The following ZNF543 variants were observed in gnomAD, a reference collection of about 807,000 sequenced individuals.
The protein encoded by ZNF543 is zinc finger protein 543.
In ZNF543, 10 loss-of-function variants were observed where a neutral mutation model predicts 13.4. The ratio of observed to expected loss-of-function variants is 0.75; its 90% CI spans 0.46 to 1.26. The LOEUF is 1.26. Ranked by LOEUF, ZNF543 falls within the 50% of genes most tolerant of loss-of-function variation. The pLI is 0.00. For missense variants in ZNF543, 768 were observed against 741.2 expected, an observed-to-expected ratio of 1.04 and a Z score of -0.42; for synonymous variants, 272 against 264.7, an observed-to-expected ratio of 1.03 and a Z score of -0.27.
chr19:57,330,084 G>A lies in ZNF543; in HGVS notation c.*819G>A, dbSNP rs915415943. The A allele has an allele frequency of 2.0e-5, 3 of 152,116 alleles. No individual in the cohort carries two copies. The highest frequency in any genetic ancestry group is 2.9e-5 in the Non-Finnish European group (2 of 68,044). The allele number at this position is 152,116 out of a possible 1,614,324, so 9.4% of individuals were successfully genotyped here. The stretch of plus-strand genomic sequence containing the variant: ...TAGTCCTGCAACGTTCTCCACTCTC[G>A]AGGTGCAGAAGCATACATCTTTATA... On this transcript the variant is annotated 3_prime_UTR_variant, in exon 4 of 4. Coordinates refer to ENST00000321545, the MANE Select transcript of ZNF543 (RefSeq NM_213598.4).
intron 1 of ZNF543, among the ~76,000 whole-genome samples, chr19:57,321,194 C>G (rs1327710423): frequency 1.3e-5 from 2 of 152,156 alleles, no homozygotes; most frequent in African/African-American, 4.8e-5. Flanking sequence ...TCCATTTTTC[C>G]CTTGTCCTTT....
In ZNF543 at chr19:57,329,421, C is replaced by A. The variant is rs1177418299; in HGVS notation, c.*156C>A. The stretch of plus-strand genomic sequence containing the variant: ...GTCTTATTCTCCACCTGAGAATTCA[C>A]CCATGAGAGAGACCCAGTGGTTGCT... On this transcript the variant is annotated 3_prime_UTR_variant, in exon 4 of 4. Transcript: ENST00000321545. 1 of 1,003,828 alleles carries A rather than the reference C, an allele frequency of 1.0e-6. No homozygotes were observed. The highest frequency in any genetic ancestry group is 1.4e-6 in the Non-Finnish European group (1 of 701,396). 62.2% of individuals were successfully genotyped at this position (1,003,828 alleles called of 1,614,324 possible).
chr19:57,324,498 T>C (rs1196389136), intron 2 of ZNF543, among the ~76,000 whole-genome samples: 1 of 152,232 alleles, frequency 6.6e-6, no homozygotes, highest in Non-Finnish European at 1.5e-5. Flanking sequence ...TTGTCACTGC[T>C]GTCTAAATCA....
rs140208196 is a variant in ZNF543 at position 57,323,759 on chromosome 19, C to G, written c.96C>G (p.Thr32=). ...EWGQLDAAQR[T]LYQEVMLETC... ...GACAGTTGGATGCAGCCCAGAGAAC[C>G]TTGTATCAGGAGGTGATGCTGGAGA... Residue 32 remains threonine (T), a synonymous_variant, in exon 2 of 4, where the codon ACC becomes ACG. Coordinates refer to ENST00000321545, the MANE Select transcript of ZNF543 (RefSeq NM_213598.4). 1 of 1,613,636 alleles carries G rather than the reference C, an allele frequency of 6.2e-7. No homozygotes were observed. The highest frequency in any genetic ancestry group is 2.2e-5 in the East Asian group (1 of 44,838).
intron 1 of ZNF543, among the ~76,000 whole-genome samples, chr19:57,321,894 T>TAA (rs916990314): frequency 6.7e-6 from 1 of 150,090 alleles, no homozygotes; most frequent in Non-Finnish European, 1.5e-5. Context: ...CTGTGTGGAC[T>TAA]AAAAAAAAAT....
Position 57,320,715 on chromosome 19 carries a change from T to G in ZNF543, c.-139T>G. ...CCTCAGCCCCGACGCTGCGCCCGCTTTGTGCGCATTTTTCTCTGGGGAAAC... is the reference window on the plus strand; with the variant it reads ...CCTCAGCCCCGACGCTGCGCCCGCTGTGTGCGCATTTTTCTCTGGGGAAAC... On this transcript the variant is annotated 5_prime_UTR_variant, in exon 1 of 4. Coordinates refer to ENST00000321545, the MANE Select transcript of ZNF543 (RefSeq NM_213598.4). 45 of 1,078,846 alleles carry G rather than the reference T, an allele frequency of 4.2e-5. No homozygotes were observed. The highest frequency in any genetic ancestry group is 4.8e-5 in the South Asian group (3 of 62,296). 66.8% of individuals were successfully genotyped at this position (1,078,846 alleles called of 1,614,324 possible). A position where few individuals can be genotyped will look rare whatever the true frequency, so the allele number is the denominator to read the frequency against.
In ZNF543 at chr19:57,328,391, C is replaced by T. The variant is rs148674787; in HGVS notation, c.929C>T (p.Pro310Leu). ...CACAGGAGCCACACTGGAGAAAAAC[C>T]CTTTGTGTGCAAAGAGTGTGGCAAA... ...LHHRSHTGEKPFVCKECGKAF... is the reference protein window; with the variant it reads ...LHHRSHTGEKLFVCKECGKAF... The change falls in exon 4 of 4, where the codon CCC (proline) becomes CTC (leucine). Residue 310 changes from proline to leucine, a missense_variant. Transcript: ENST00000321545. 1.8e-4 allele frequency: 295 copies of T among 1,613,540 alleles called. No individual in the cohort carries two copies. Among genetic ancestry groups the T allele is most frequent in the Non-Finnish European group, 2.4e-4 (284 of 1,179,922 alleles).
rs35238720 is a variant in ZNF543 at position 57,328,322 on chromosome 19, A to T, written c.860A>T (p.Glu287Val). The T allele has an allele frequency of 0.11, 177,116 of 1,613,834 alleles. 10,413 individuals carry two copies. Among genetic ancestry groups the T allele is most frequent in the South Asian group, 0.15 (13,455 of 91,066 alleles). ...GGAGAGAAGCCTTATAAGTGCAGTG[A>T]ATGTGGAAAGGCCTTCACCCACCGC... ...HSGEKPYKCS[E>V]CGKAFTHRST... Residue 287 changes from glutamate (E) to valine (V), a missense_variant, in exon 4 of 4, where the codon GAA (glutamate) becomes GTA (valine). Coordinates refer to ENST00000321545, the MANE Select transcript of ZNF543 (RefSeq NM_213598.4).
rs1377957153 is a variant in ZNF543 at position 57,329,855 on chromosome 19, A to C, written c.*590A>C. 6.6e-6 allele frequency: 1 copy of C among 152,322 alleles called. No homozygotes were observed. Among genetic ancestry groups the C allele is most frequent in the Non-Finnish European group, 1.5e-5 (1 of 68,102 alleles). 9.4% of individuals were successfully genotyped at this position (152,322 alleles called of 1,614,324 possible). A position where few individuals can be genotyped will look rare whatever the true frequency, so the allele number is the denominator to read the frequency against. ...CAAAGGAAGAGGAAATATAGGGAAG[A>C]GAAAGAAACCACAGCTTCTTTTAGA... On this transcript the variant is annotated 3_prime_UTR_variant, in exon 4 of 4. Coordinates refer to ENST00000321545, the MANE Select transcript of ZNF543 (RefSeq NM_213598.4).
Position 57,326,633 on chromosome 19 carries a change from G to A in ZNF543, c.146G>A (p.Gly49Asp). The A allele has an allele frequency of 1.2e-6, 2 of 1,613,394 alleles. No homozygotes were observed. Among genetic ancestry groups the A allele is most frequent in the African/African-American group, 2.7e-5 (2 of 75,016 alleles). The change falls in exon 3 of 4, where the codon GGC (glycine) becomes GAC (aspartate). Residue 49 changes from glycine to aspartate, a missense_variant and splice_region_variant. This residue lies in a region of ZNF543 where 77 missense variants were observed against 75.5 expected (regional missense o/e 1.02). Coordinates refer to ENST00000321545, the MANE Select transcript of ZNF543 (RefSeq NM_213598.4). ...LETCGLLMSL[G>D]CPLFKPELIY... ...GTCCTCTTTTGTTCTCCATGCACAG[G>A]CTGTCCTTTGTTCAAACCAGAGCTG...
chr19:57,320,634 C>T lies in ZNF543; in HGVS notation c.-220C>T, dbSNP rs1035879932. 2 of 558,412 alleles carry T rather than the reference C, an allele frequency of 3.6e-6. No individual in the cohort carries two copies. Among genetic ancestry groups the T allele is most frequent in the African/African-American group, 1.9e-5 (1 of 51,468 alleles). The allele number at this position is 558,412 out of a possible 1,614,324, so 34.6% of individuals were successfully genotyped here. A position where few individuals can be genotyped will look rare whatever the true frequency, so the allele number is the denominator to read the frequency against. Reference sequence around the variant, plus strand: ...GCCTGACGCCCCGCTTCTTCCCTAACGGGGTGTTCCACCGGCGCCTGCCGA... The same window carrying T: ...GCCTGACGCCCCGCTTCTTCCCTAATGGGGTGTTCCACCGGCGCCTGCCGA... On this transcript the variant is annotated 5_prime_UTR_variant, in exon 1 of 4. It adds an upstream start codon to the 5' untranslated region. Transcript: ENST00000321545.
Position 57,328,782 on chromosome 19 carries a change from G to GC in ZNF543, c.1321dup (p.His441ProfsTer2). ...TCACCCACTGCTCCACTTTTGTCTT[G>GC]CATAAAAGGACCCACACAGGAGAAA... On this transcript the variant is annotated frameshift_variant, in exon 4 of 4. Transcript: ENST00000321545. LOFTEE classifies it low-confidence loss of function (END_TRUNC). The GC allele has an allele frequency of 6.2e-7, 1 of 1,613,990 alleles. No individual in the cohort carries two copies. Among genetic ancestry groups the GC allele is most frequent in the Admixed American group, 1.7e-5 (1 of 59,988 alleles).
chr19:57,326,863 GCCC>G, intron 3 of ZNF543, 135 bp downstream of exon 3: 1 of 576,802 alleles, frequency 1.7e-6, no homozygotes, highest in Non-Finnish European at 2.9e-6. Flanking sequence ...GCCTCTCCCC[GCCC>G]GCCCCCCCCC....
intron 3 of ZNF543, among the ~76,000 whole-genome samples, chr19:57,326,960 T>A (rs1250347491): frequency 6.8e-6 from 1 of 148,106 alleles, no homozygotes; most frequent in East Asian, 2.1e-4. Flanking sequence ...CTCAACCTCC[T>A]GGGCTCAAGG....
intron 2 of ZNF543, among the ~76,000 whole-genome samples, chr19:57,324,718 T>G (rs908663579): frequency 2.0e-5 from 3 of 152,220 alleles, no homozygotes; most frequent in African/African-American, 7.2e-5. Context: ...CTGATTGCAG[T>G]ACATTCTTAA....
intron 2 of ZNF543, 24 bp downstream of exon 2, chr19:57,323,832 C>T (rs765479938): frequency 3.7e-6 from 6 of 1,605,884 alleles, no homozygotes; most frequent in South Asian, 1.1e-5. Flanking sequence ...TGGTCCTGTG[C>T]TCCCTTAGGA....
chr19:57,325,391 C>G (rs1342221633), intron 2 of ZNF543, among the ~76,000 whole-genome samples: 1 of 152,156 alleles, frequency 6.6e-6, no homozygotes, highest in Non-Finnish European at 1.5e-5. Flanking sequence ...GTACTTATGT[C>G]TTTTACCCCC....
rs532642420 is a variant in ZNF543, at chr19:57,320,766, C to G, written c.-88C>G. On this transcript the variant is annotated 5_prime_UTR_variant, in exon 1 of 4. Transcript: ENST00000321545. ...TGAGGCTCCGAGTGCGAAAGTCAGC[C>G]GAGGTCGCCCCGCCCAGGACAGAGA... is the stretch of plus-strand genomic sequence containing the variant. The G allele has an allele frequency of 2.7e-5, 41 of 1,537,476 alleles. 1 individual carries two copies. In the South Asian group the frequency reaches 3.8e-4, roughly 14 times the overall value.
Position 57,329,203 on chromosome 19 carries a change from A to G in ZNF543, c.1741A>G (p.Ile581Val). ...TATGACTGCACAGACTTCAGTCAAC[A>G]TCCAGGAACTTTTATTAGGGAAAGA... ...PFMTAQTSVN[I>V]QELLLGKEFL... is the part of the protein sequence containing the mutation. Residue 581 changes from isoleucine to valine, a missense_variant, in exon 4 of 4, where the codon ATC (isoleucine) becomes GTC (valine). Around this residue, in one of 3 missense-constraint regions of ZNF543, gnomAD observed 677 missense variants for 631.4 expected, o/e 1.07. Transcript: ENST00000321545. 6.2e-7 allele frequency: 1 copy of G among 1,613,386 alleles called. No individual in the cohort carries two copies. The highest frequency in any genetic ancestry group is 8.5e-7 in the Non-Finnish European group (1 of 1,179,676).
Sources: allele counts gnomAD v4.1 joint callset (sites outside exome capture counted in the v4.1 genomes callset), GRCh38; gene constraint gnomAD v4.1.1; regional missense constraint gnomAD v4.1.1; transcripts MANE v1.5; gene names NCBI Gene and HGNC (gene_info 2026-07-23, HGNC 2026-07-21).